The following MAPK8IP3 variants were observed in gnomAD, a reference collection of about 807,000 sequenced individuals.
MAPK8IP3 encodes mitogen-activated protein kinase 8 interacting protein 3, also known as C-Jun-amino-terminal kinase-interacting protein 3.
MAPK8IP3 carries 49 observed loss-of-function variants against 157.8 expected under a neutral mutation model. That is an observed-to-expected ratio of 0.31 (90% CI 0.25 to 0.39). The LOEUF (loss-of-function observed/expected upper bound fraction) is 0.39. Among genes scored for constraint, MAPK8IP3 ranks in the 10% least tolerant of loss-of-function variants. The probability of loss-of-function intolerance (pLI) is 1.00; values close to 1 mark genes in which losing one functional copy is unlikely to be tolerated. For synonymous variants in MAPK8IP3, 897 were observed against 777.7 expected (o/e 1.15, Z -2.55); for missense variants, 1,478 against 1,889.4 (o/e 0.78, Z 4.04).
Position 1,767,857 on chromosome 16 carries a change from G to A in MAPK8IP3, c.3462G>A (p.Ala1154=), listed in dbSNP as rs374893796. Residue 1154 remains alanine (A), a synonymous_variant, in exon 28 of 32, where the codon GCG becomes GCA. Transcript: ENST00000610761. ...TACGCATCACGGCCCTGCTTGTCGC[G>A]GGCAGCCGGCTCTGGGTGGGCACCG... ...SFVRITALLV[A]GSRLWVGTGN... 88 of 1,611,258 alleles carry A rather than the reference G, an allele frequency of 5.5e-5. No individual in the cohort carries two copies. The highest frequency in any genetic ancestry group is 4.9e-4 in the Middle Eastern group (3 of 6,084).
At position 1,764,224 on chromosome 16, in the gene MAPK8IP3, G is replaced by A. The variant is rs755083825; in HGVS notation, c.2121+14G>A. 6.2e-7 allele frequency: 1 copy of A among 1,608,088 alleles called. No individual in the cohort carries two copies. The highest frequency in any genetic ancestry group is 1.3e-5 in the African/African-American group (1 of 74,924). ...CCCACCATGAAGGTGAGCCCGCGAG[G>A]ACCCCGCTCAGGCTGGCTGGGCGAG... On this transcript the variant is annotated intron_variant, in intron 18 of 31. Transcript: ENST00000610761.
intron 20 of MAPK8IP3, among the ~76,000 whole-genome samples, chr16:1,765,443 G>A (rs1205712041): frequency 1.3e-5 from 2 of 152,186 alleles, no homozygotes; most frequent in Non-Finnish European, 2.9e-5. Context: ...GGTGGGCACG[G>A]CCTGCAGCTT....
chr16:1,750,464 C>G (rs1290770990), intron 8 of MAPK8IP3, among the ~76,000 whole-genome samples: 1 of 152,216 alleles, frequency 6.6e-6, no homozygotes, highest in East Asian at 1.9e-4. Flanking sequence ...CCACCCGCCT[C>G]AGGCTCCCAA....
At position 1,762,926 on chromosome 16, in the gene MAPK8IP3, T is replaced by A; in HGVS notation, c.1818T>A (p.Thr606=). The A allele has an allele frequency of 6.2e-7, 1 of 1,612,950 alleles. No homozygotes were observed. Residue 606 remains threonine, a synonymous_variant, in exon 16 of 32, where the codon ACT becomes ACA. Coordinates refer to ENST00000610761, the MANE Select transcript of MAPK8IP3 (RefSeq NM_001318852.2). ...SVNIHYKSPT[T]AGFSQRRNHA... is the part of the protein sequence containing the mutation. Reference sequence around the variant, plus strand: ...ACATCCACTACAAGTCACCCACCACTGCCGGCTTCAGCCAGCGCCGCAACC... The same window carrying A: ...ACATCCACTACAAGTCACCCACCACAGCCGGCTTCAGCCAGCGCCGCAACC...
At chr16:1,749,086 A>G (rs2041144763) in intron 8 of MAPK8IP3, among the ~76,000 whole-genome samples, 1 of 152,226 alleles carries the variant, frequency 6.6e-6, no homozygotes, top group Non-Finnish European at 1.5e-5. Context: ...TGTACACGTC[A>G]GTACAGACAC....
At chr16:1,765,712 C>T (rs545443123) in intron 20 of MAPK8IP3, among the ~76,000 whole-genome samples, 2 of 152,292 alleles carry the variant, frequency 1.3e-5, no homozygotes, top group South Asian at 2.1e-4. Context: ...TGTTTGCTCC[C>T]AGAACCAGAG....
intron 1 of MAPK8IP3, among the ~76,000 whole-genome samples, chr16:1,708,672 C>T (rs2037557647): frequency 6.6e-6 from 1 of 152,156 alleles, no homozygotes; most frequent in Admixed American, 6.5e-5. Flanking sequence ...AAGCTATCAC[C>T]TTTAGTCTGA....
At chr16:1,737,763 ACCATCC>A (rs2040122173) in intron 4 of MAPK8IP3, among the ~76,000 whole-genome samples, 1 of 16,804 alleles carries the variant, frequency 6.0e-5, no homozygotes, top group Non-Finnish European at 8.3e-5. Flanking sequence ...CGTGTGTGTG[ACCATCC>A]GTGTGAGTGA....
intron 4 of MAPK8IP3, among the ~76,000 whole-genome samples, chr16:1,735,534 CGT>C (rs1236394560): frequency 1.6e-5 from 2 of 123,206 alleles, no homozygotes; most frequent in Non-Finnish European, 1.6e-5. Flanking sequence ...TGTGACCGTC[CGT>C]GTGAGCGTCC....
rs1423214433 is a variant in MAPK8IP3 at position 1,769,414 on chromosome 16, C to G, written c.*590C>G. 1.3e-5 allele frequency: 2 copies of G among 154,352 alleles called. No homozygotes were observed. The highest frequency in any genetic ancestry group is 4.8e-5 in the African/African-American group (2 of 41,454). 9.6% of individuals were successfully genotyped at this position (154,352 alleles called of 1,614,324 possible). A position where few individuals can be genotyped will look rare whatever the true frequency, so the allele number is the denominator to read the frequency against. On this transcript the variant is annotated 3_prime_UTR_variant, in exon 32 of 32. Coordinates refer to ENST00000610761, the MANE Select transcript of MAPK8IP3 (RefSeq NM_001318852.2). ...TCTATCCTGTCTGTCCCCACCCCAG[C>G]TGTCCCCTGCCCAGGGAGCTGGCAT...
chr16:1,718,929 C>G (rs759908761), intron 1 of MAPK8IP3, among the ~76,000 whole-genome samples: 6 of 152,134 alleles, frequency 3.9e-5, no homozygotes, highest in African/African-American at 1.4e-4. Context: ...AGGGGCTGGG[C>G]GAGGTGGCTC....
In MAPK8IP3 at chr16:1,768,548, G is replaced by A. The variant is rs759987645; in HGVS notation, c.3814G>A (p.Ala1272Thr). ...CGAGGGCCCTGGGCCAGCTGCCCCTGCCTCGGAGGTCGAGGGCCAGAAGCT... is the reference window on the plus strand; with the variant it reads ...CGAGGGCCCTGGGCCAGCTGCCCCTACCTCGGAGGTCGAGGGCCAGAAGCT... The part of the protein sequence containing the change: ...PAEGPGPAAP[A>T]SEVEGQKLRN... The change falls in exon 31 of 32, where the codon GCC becomes ACC. Residue 1272 changes from alanine to threonine, a missense_variant. Physicochemically the swap from Ala to Thr is moderately conservative, Grantham distance 58. Transcript: ENST00000610761. The A allele has an allele frequency of 3.2e-6, 5 of 1,567,122 alleles. No individual in the cohort carries two copies. The South Asian group carries it at 4.6e-5, about 14-fold the overall frequency.
chr16:1,732,344 G>A (rs1385191254), intron 4 of MAPK8IP3, among the ~76,000 whole-genome samples: 6 of 152,358 alleles, frequency 3.9e-5, no homozygotes, highest in South Asian at 2.1e-4. Flanking sequence ...AAGCTGCATC[G>A]TGCCTGCCTG....
At chr16:1,737,451 AGT>A (rs1185169471) in intron 4 of MAPK8IP3, among the ~76,000 whole-genome samples, 3 of 60,152 alleles carry the variant, frequency 5.0e-5, no homozygotes, top group Non-Finnish European at 9.3e-5. Context: ...CGTCCGTGTG[AGT>A]GTGACCACCC....
chr16:1,768,435 C>T, intron 30 of MAPK8IP3, 42 bp from the exon 31 acceptor site: 1 of 1,594,522 alleles, frequency 6.3e-7, no homozygotes, highest in East Asian at 2.2e-5. Context: ...GCCGCCGCCT[C>T]CCCCAGGAGG....
intron 28 of MAPK8IP3, 29 bp from the exon 29 acceptor site, chr16:1,768,040 C>T (rs774847121): frequency 1.2e-5 from 20 of 1,612,150 alleles, no homozygotes; most frequent in Non-Finnish European, 1.5e-5. Flanking sequence ...CCGCTCTCCT[C>T]TTCTCCCATG....
intron 2 of MAPK8IP3, among the ~76,000 whole-genome samples, chr16:1,727,823 G>A (rs2038995346): frequency 6.6e-6 from 1 of 152,218 alleles, no homozygotes; most frequent in Non-Finnish European, 1.5e-5. Context: ...CCAAGGATGT[G>A]CCAGGCCAGT....
chr16:1,739,939 C>G (rs545947445), intron 4 of MAPK8IP3, among the ~76,000 whole-genome samples: 2 of 91,674 alleles, frequency 2.2e-5, no homozygotes, highest in Non-Finnish European at 4.1e-5. Context: ...TGTGACTGTC[C>G]GTGTGAGCAT....
rs748750241 is a variant in MAPK8IP3, at chr16:1,710,340, G to A, written c.318+3683G>A. Among the ~76,000 whole-genome samples the A allele has an allele frequency of 2.0e-5, 3 of 151,696 alleles. No homozygotes were observed. The highest frequency in any genetic ancestry group is 2.9e-5 in the Non-Finnish European group (2 of 67,904). ...GAAAAAAAAATTAGCCAGGTGTGGC[G>A]GCAGGCCCCTGTAGTCCCAGCACTC... On this transcript the variant is annotated intron_variant, in intron 1 of 31. Transcript: ENST00000610761. This position sits in a 1 kb window ranked among gnomAD's most constrained non-coding sequence, Gnocchi z 4.1.
Sources: allele counts gnomAD v4.1 joint callset (sites outside exome capture counted in the v4.1 genomes callset), GRCh38; gene constraint gnomAD v4.1.1; non-coding constraint Gnocchi (gnomAD v3.1); transcripts MANE v1.5; gene names NCBI Gene and HGNC (gene_info 2026-07-23, HGNC 2026-07-21).